Variants in ALDH1A2 observed in about 807,000 individuals in gnomAD.
ALDH1A2 encodes the protein retinal dehydrogenase 2.
In ALDH1A2, 27 loss-of-function variants were observed where a neutral mutation model predicts 60.3. The observed-to-expected ratio is 0.45, with a 90% CI of 0.33 to 0.62. The LOEUF (loss-of-function observed/expected upper bound fraction) is 0.62, where lower values mean the gene tolerates loss of function less well. Among genes scored for constraint, ALDH1A2 ranks in the 20% least tolerant of loss-of-function variants. The pLI is 0.02. For synonymous variants in ALDH1A2, 289 were observed against 232.4 expected (o/e 1.24, Z -2.21); for missense variants, 581 against 643.8 (o/e 0.90, Z 1.06).
chr15:58,065,387 A>AG, intron 1 of ALDH1A2, 147 bp downstream of exon 1: 1 of 785,944 alleles, frequency 1.3e-6, no homozygotes, highest in South Asian at 1.4e-5. Flanking sequence ...GAAGACAGGC[A>AG]GGGGGTCCCT....
At chr15:58,013,788 C>T (rs1453892143) in intron 3 of ALDH1A2, 70 bp downstream of exon 3, 2 of 1,581,508 alleles carry the variant, frequency 1.3e-6, no homozygotes, top group African/African-American at 1.4e-5. Flanking sequence ...TAAAATACAG[C>T]CGAAGAATGT....
chr15:58,039,812 T>G (rs754437326), intron 1 of ALDH1A2, among the ~76,000 whole-genome samples: 1 of 151,748 alleles, frequency 6.6e-6, no homozygotes, highest in Non-Finnish European at 1.5e-5. Context: ...GGGAGTCACA[T>G]GCAAAAGGAG....
intron 1 of ALDH1A2, among the ~76,000 whole-genome samples, chr15:58,027,490 T>C (rs774868165): frequency 3.9e-5 from 6 of 152,144 alleles, no homozygotes; most frequent in Non-Finnish European, 8.8e-5. Flanking sequence ...GCACCTCTTC[T>C]TCTCCAAAGG....
intron 1 of ALDH1A2, among the ~76,000 whole-genome samples, chr15:58,032,447 T>C (rs11629583): frequency 0.5 from 76,007 of 151,898 alleles, 19,580 homozygotes; most frequent in Non-Finnish European, 0.57. Flanking sequence ...ATGGCACATG[T>C]ATACATATGT....
chr15:58,058,239 T>C, intron 1 of ALDH1A2: 1 of 575,858 alleles, frequency 1.7e-6, no homozygotes, highest in South Asian at 2.2e-5. Flanking sequence ...CATCTCAGTC[T>C]GGAAATCTGG....
At chr15:57,995,702 A>G (rs1389868364) in intron 4 of ALDH1A2, among the ~76,000 whole-genome samples, 1 of 152,108 alleles carries the variant, frequency 6.6e-6, no homozygotes, top group East Asian at 1.9e-4. Flanking sequence ...TAAAGAAGGT[A>G]AAAGTCCATT....
intron 7 of ALDH1A2, among the ~76,000 whole-genome samples, chr15:57,969,677 A>T (rs1893999638): frequency 6.6e-6 from 1 of 152,220 alleles, no homozygotes; most frequent in Admixed American, 6.5e-5. Flanking sequence ...GTAATTTGTA[A>T]GATAAAACAG....
In ALDH1A2 at chr15:57,961,955, G is replaced by C. The variant is rs1239236354; in HGVS notation, c.1251+57C>G. On this transcript the variant is annotated intron_variant, in intron 10 of 12. Transcript: ENST00000249750. Reference sequence around the variant, plus strand: ...AACTCTAATATCATCCACTAGAAATGCTCTAGAAATGATCCCAAGAAAGAT... The same window carrying C: ...AACTCTAATATCATCCACTAGAAATCCTCTAGAAATGATCCCAAGAAAGAT... The C allele has an allele frequency of 1.9e-6, 3 of 1,597,128 alleles. No homozygotes were observed. In the African/African-American group the frequency reaches 4.0e-5, roughly 21 times the overall value.
intron 1 of ALDH1A2, among the ~76,000 whole-genome samples, chr15:58,016,137 ATTTTTTTT>A (rs532101226): frequency 7.4e-6 from 1 of 134,408 alleles, no homozygotes; most frequent in African/African-American, 2.8e-5. Flanking sequence ...ACTGATCCTA[ATTTTTTTT>A]TTTTTTTTTT....
chr15:57,999,037 T>C (rs953303322), intron 4 of ALDH1A2, among the ~76,000 whole-genome samples: 3 of 151,994 alleles, frequency 2.0e-5, no homozygotes, highest in African/African-American at 7.2e-5. Context: ...TTACATCTTA[T>C]ACAAAAATTA....
chr15:58,034,243 G>T (rs891562675), intron 1 of ALDH1A2, among the ~76,000 whole-genome samples: 5 of 151,496 alleles, frequency 3.3e-5, no homozygotes, highest in Admixed American at 3.3e-4. Flanking sequence ...AAATGATACC[G>T]TGTTTTTAAT....
chr15:58,032,815 C>T (rs992423777), intron 1 of ALDH1A2, among the ~76,000 whole-genome samples: 2 of 151,720 alleles, frequency 1.3e-5, no homozygotes, highest in Non-Finnish European at 2.9e-5. Context: ...CACACACACA[C>T]GTGCGTACCC....
intron 4 of ALDH1A2, among the ~76,000 whole-genome samples, chr15:57,995,797 AAG>A (rs1335143889): frequency 6.6e-6 from 1 of 152,130 alleles, no homozygotes; most frequent in Non-Finnish European, 1.5e-5. Context: ...CTAAAAGAAA[AAG>A]AGCTTCAGAA....
At chr15:58,029,914 C>G (rs1419228733) in intron 1 of ALDH1A2, among the ~76,000 whole-genome samples, 1 of 152,112 alleles carries the variant, frequency 6.6e-6, no homozygotes, top group African/African-American at 2.4e-5. Flanking sequence ...CCAAAAAGTC[C>G]AGGACCAGAT....
At chr15:57,970,784 C>G (rs889981220) in intron 7 of ALDH1A2, among the ~76,000 whole-genome samples, 2 of 152,066 alleles carry the variant, frequency 1.3e-5, no homozygotes, top group African/African-American at 2.4e-5. Context: ...GTTAAAGATG[C>G]CTGTGTCTTG....
chr15:57,957,384 TGA>T (rs1235822418), intron 12 of ALDH1A2, among the ~76,000 whole-genome samples: 2 of 152,308 alleles, frequency 1.3e-5, no homozygotes, highest in African/African-American at 4.8e-5. Flanking sequence ...ACCAGGAGAC[TGA>T]GAGACAGATG....
chr15:57,991,700 T>C (rs1253650768), intron 7 of ALDH1A2: 1 of 152,244 alleles, frequency 6.6e-6, no homozygotes, highest in Non-Finnish European at 1.5e-5. Context: ...ATTTTGAAAA[T>C]ACTGGATTAA....
At chr15:58,022,921 A>G (rs1203578620) in intron 1 of ALDH1A2, among the ~76,000 whole-genome samples, 2 of 152,252 alleles carry the variant, frequency 1.3e-5, no homozygotes, top group African/African-American at 2.4e-5. Flanking sequence ...AGATGTGCAG[A>G]TATCAACATA....
chr15:58,006,249 A>C (rs1566946061), intron 4 of ALDH1A2, among the ~76,000 whole-genome samples: 1 of 151,946 alleles, frequency 6.6e-6, no homozygotes. Flanking sequence ...CTTACTTAGA[A>C]GTGAGAATAT....
Sources: gnomAD v4.1 joint callset for allele counts (sites outside exome capture counted in the v4.1 genomes callset) on GRCh38, gnomAD v4.1.1 for gene constraint, MANE v1.5 for transcripts, NCBI Gene and HGNC (gene_info 2026-07-23, HGNC 2026-07-21) for gene names.